The following ELL variants were observed in gnomAD, a reference collection of about 807,000 sequenced individuals.
The protein encoded by ELL is RNA polymerase II elongation factor ELL.
Under a neutral mutation model 64.0 loss-of-function variants are expected in ELL, and 18 were observed. That is an observed-to-expected ratio of 0.28 (90% confidence interval 0.19 to 0.42). ELL has a LOEUF of 0.42. ELL is among the 10% of genes least tolerant of loss of function. The probability of loss-of-function intolerance (pLI) is 1.00; values close to 1 mark genes in which losing one functional copy is unlikely to be tolerated. For missense variants in ELL, 797 were observed against 870.4 expected (o/e 0.92, Z 1.06); for synonymous variants, 399 against 376.2 (o/e 1.06, Z -0.70).
At chr19:18,476,395 AC>A (rs898938871) in intron 1 of ELL, among the ~76,000 whole-genome samples, 5 of 151,824 alleles carry the variant, frequency 3.3e-5, no homozygotes, top group Non-Finnish European at 7.4e-5. Context: ...AGGGTGCACA[AC>A]CCCCCCAAGG....
intron 1 of ELL, 66 bp downstream of exon 1, chr19:18,521,855 G>A: frequency 3.3e-6 from 5 of 1,517,262 alleles, no homozygotes; most frequent in East Asian, 2.6e-5. Flanking sequence ...GCCTCAGTGA[G>A]GGGAGCGCGA....
rs144347170 is a variant in ELL at position 18,492,249 on chromosome 19, A to G, written c.136-19367T>C. Among the ~76,000 whole-genome samples, 100 of 152,332 alleles carry G rather than the reference A, an allele frequency of 6.6e-4. 1 individual carries two copies. The highest frequency in any genetic ancestry group is 3.4e-3 in the Middle Eastern group (1 of 294). The stretch of plus-strand genomic sequence containing the variant: ...CATTCGGTGACCTGGAAGCTTCCTC[A>G]TCCGTCATGGTGACGCTGCTTACAG... On this transcript the variant is annotated intron_variant, in intron 1 of 11. Transcript: ENST00000262809.
In ELL at chr19:18,450,772, G is replaced by C. The variant is rs759766795; in HGVS notation, c.1170C>G (p.Pro390=). 3 of 1,580,488 alleles carry C rather than the reference G, an allele frequency of 1.9e-6. No individual in the cohort carries two copies. Among genetic ancestry groups the C allele is most frequent in the Non-Finnish European group, 2.6e-6 (3 of 1,163,440 alleles). ...SSTHLPPRLE[P]PRAHDPLADV... ...CGGCCAGGGGGTCGTGGGCCCTCGG[G>C]GGCTCCAGCCGCGGGGGCAGGTGAG... The change falls in exon 8 of 12, where the codon CCC becomes CCG. Residue 390 remains proline, a synonymous_variant. Coordinates refer to ENST00000262809, the MANE Select transcript of ELL (RefSeq NM_006532.4).
rs531368536 is a variant in ELL at position 18,500,612 on chromosome 19, C to T, written c.135+21309G>A. On this transcript the variant is annotated intron_variant, in intron 1 of 11. Transcript: ENST00000262809. ...TGTGTGTTGGGGCCGATGGAGAGGT[C>T]GACTGGTCCCCTGGGAAGGTCGGCA... Among the ~76,000 whole-genome samples, 9 of 152,280 alleles carry T rather than the reference C, an allele frequency of 5.9e-5. No homozygotes were observed. The South Asian group carries it at 1.2e-3, about 21-fold the overall frequency.
chr19:18,466,873 TCTC>T (rs980095468), intron 2 of ELL, among the ~76,000 whole-genome samples: 3 of 152,158 alleles, frequency 2.0e-5, no homozygotes, highest in African/African-American at 7.2e-5. Context: ...CCAAGCCCCG[TCTC>T]CTCCTCTGTG....
chr19:18,465,767 G>A (rs561013355), intron 3 of ELL, 30 bp downstream of exon 3: 31 of 1,422,094 alleles, frequency 2.2e-5, no homozygotes, highest in African/African-American at 2.9e-5. Context: ...AAGAGCCGGC[G>A]GGGTGCTCTG....
intron 1 of ELL, among the ~76,000 whole-genome samples, chr19:18,479,332 G>A (rs1975245108): frequency 6.6e-6 from 1 of 152,178 alleles, no homozygotes; most frequent in Non-Finnish European, 1.5e-5. Flanking sequence ...AGAGCAGAAA[G>A]CAGAAAAATC....
intron 1 of ELL, among the ~76,000 whole-genome samples, chr19:18,503,803 T>C (rs866525924): frequency 6.6e-6 from 1 of 152,164 alleles, no homozygotes; most frequent in South Asian, 2.1e-4. Flanking sequence ...TCAGGGAGCC[T>C]TCCCTGCTGC....
intron 8 of ELL, among the ~76,000 whole-genome samples, chr19:18,447,259 G>A (rs917921299): frequency 3.9e-5 from 6 of 152,248 alleles, no homozygotes; most frequent in Admixed American, 6.5e-5. Flanking sequence ...GGCTTGACCT[G>A]AGTCTCTGGG....
intron 1 of ELL, among the ~76,000 whole-genome samples, chr19:18,517,826 G>A (rs1048529602): frequency 2.7e-5 from 4 of 150,042 alleles, no homozygotes; most frequent in South Asian, 2.1e-4. Context: ...GTTCAAGGCC[G>A]CAGTGAGCTA....
intron 1 of ELL, among the ~76,000 whole-genome samples, chr19:18,513,226 G>A (rs1489436805): frequency 6.6e-6 from 1 of 152,176 alleles, no homozygotes; most frequent in Non-Finnish European, 1.5e-5. Flanking sequence ...CCTGTGCTGG[G>A]TCACCTGCCT....
intron 2 of ELL, among the ~76,000 whole-genome samples, chr19:18,468,176 C>CACAACCACAACCCACACAA: frequency 6.6e-6 from 1 of 150,882 alleles, no homozygotes; most frequent in Non-Finnish European, 1.5e-5. Flanking sequence ...CATAACCACA[C>CACAACCACAACCCACACAA]ACACAACCAC....
At chr19:18,476,763 T>C (rs1975185677) in intron 1 of ELL, among the ~76,000 whole-genome samples, 1 of 152,112 alleles carries the variant, frequency 6.6e-6, no homozygotes, top group African/African-American at 2.4e-5. Flanking sequence ...GCTCACACTG[T>C]ATCCCCACCC....
rs184058457 is a variant in ELL at position 18,487,305 on chromosome 19, G to A, written c.136-14423C>T. Reference sequence around the variant, plus strand: ...CAGGCCCAGTGAGGACAGAGCAAGCGTTACATATGTGTCCTGAGGTGGGCA... The same window carrying A: ...CAGGCCCAGTGAGGACAGAGCAAGCATTACATATGTGTCCTGAGGTGGGCA... On this transcript the variant is annotated intron_variant, in intron 1 of 11. Transcript: ENST00000262809. Among the ~76,000 whole-genome samples, 115 of 152,312 alleles carry A rather than the reference G, an allele frequency of 7.6e-4. 3 individuals carry two copies. The East Asian group carries it at 0.017, about 23-fold the overall frequency.
chr19:18,458,033 C>T (rs985374570), intron 6 of ELL, among the ~76,000 whole-genome samples, 172 bp downstream of exon 6: 8 of 152,300 alleles, frequency 5.3e-5, no homozygotes, highest in Middle Eastern at 3.4e-3. Context: ...CACCCTGGGG[C>T]ACCACGTGGG....
intron 1 of ELL, among the ~76,000 whole-genome samples, chr19:18,502,011 C>T (rs1032077001): frequency 6.6e-6 from 1 of 152,140 alleles, no homozygotes; most frequent in African/African-American, 2.4e-5. Context: ...AGGAACCAGG[C>T]GTCACCCCCA....
chr19:18,519,837 GAAA>G, intron 1 of ELL, among the ~76,000 whole-genome samples: 1 of 148,668 alleles, frequency 6.7e-6, no homozygotes, highest in African/African-American at 2.5e-5. Flanking sequence ...AAGAAAGAAA[GAAA>G]GAAAGTGGCC....
chr19:18,509,848 C>T (rs1296922246), intron 1 of ELL, among the ~76,000 whole-genome samples: 2 of 152,190 alleles, frequency 1.3e-5, no homozygotes, highest in African/African-American at 2.4e-5. Flanking sequence ...CTGTCCCTGA[C>T]CTGCAGGACC....
chr19:18,515,470 T>C (rs1214613412), intron 1 of ELL, among the ~76,000 whole-genome samples: 3 of 152,248 alleles, frequency 2.0e-5, no homozygotes, highest in Non-Finnish European at 4.4e-5. Context: ...TCCTGCCTGG[T>C]GATTCAGCCT....
Sources: allele counts gnomAD v4.1 joint callset (sites outside exome capture counted in the v4.1 genomes callset), GRCh38; gene constraint gnomAD v4.1.1; transcripts MANE v1.5; gene names NCBI Gene and HGNC (gene_info 2026-07-23, HGNC 2026-07-21).